BOC: variants seen among roughly 807,000 people sequenced by gnomAD.
BOC encodes the protein BOC cell adhesion associated, oncogene regulated, also known as brother of CDO.
In BOC, 76 loss-of-function variants were observed where a neutral mutation model predicts 112.0. The observed-to-expected ratio is 0.68, with a 90% confidence interval of 0.56 to 0.82. The LOEUF is 0.82. Ranked by LOEUF, BOC falls within the 40% of genes least tolerant of loss-of-function variation. The probability of loss-of-function intolerance (pLI) is 0.00; values close to 1 mark genes in which losing one functional copy is unlikely to be tolerated. For missense variants in BOC, 1,309 were observed against 1,511.7 expected (o/e 0.87, Z 2.22); for synonymous variants, 580 against 599.8 (o/e 0.97, Z 0.48).
intron 1 of BOC, among the ~76,000 whole-genome samples, chr3:113,213,534 C>T (rs1313432641): frequency 1.3e-5 from 2 of 152,204 alleles, no homozygotes; most frequent in African/African-American, 4.8e-5. Flanking sequence ...TATTAAACCA[C>T]AGTCTTGGGC....
rs777494781 is a variant in BOC at position 113,278,094 on chromosome 3, G to C, written c.1543-1G>C. On this transcript the variant is annotated splice_acceptor_variant, in intron 9 of 19. Transcript: ENST00000682979. LOFTEE classifies it high-confidence loss of function. This position sits in a 1 kb window ranked among gnomAD's most constrained non-coding sequence, Gnocchi z 4.2. ...GTCTTTATACCAGCTACCTTCTCCA[G>C]CAGGTCACAAATTCCTCTGACGATT... 3.1e-6 allele frequency: 5 copies of C among 1,614,018 alleles called. No individual in the cohort carries two copies. The South Asian group carries it at 5.5e-5, about 18-fold the overall frequency.
rs1436315521 is a variant in BOC, at chr3:113,260,005, G to T, written c.377-8294G>T. ...GGTATCTTCTCTAGGAATGTTTCTT[G>T]ACCCCTTCAACTTCCAAGTCTAGAG... On this transcript the variant is annotated intron_variant, in intron 4 of 19. Transcript: ENST00000682979. Among the ~76,000 whole-genome samples, 3 of 152,194 alleles carry T rather than the reference G, an allele frequency of 2.0e-5. No individual in the cohort carries two copies. The South Asian group carries it at 6.2e-4, about 32-fold the overall frequency.
intron 4 of BOC, among the ~76,000 whole-genome samples, chr3:113,256,151 AG>A (rs1043037136): frequency 6.6e-6 from 1 of 152,124 alleles, no homozygotes; most frequent in Admixed American, 6.5e-5. Flanking sequence ...ACATTTCTGG[AG>A]TGTCTCCTTT....
chr3:113,264,077 G>A (rs760920585), intron 4 of BOC, among the ~76,000 whole-genome samples: 3 of 152,140 alleles, frequency 2.0e-5, no homozygotes, highest in South Asian at 2.1e-4. Context: ...GAACTGGGCC[G>A]GGTTCTATAT....
In BOC at chr3:113,284,502, C is replaced by T; in HGVS notation, c.2824C>T (p.Pro942Ser). Residue 942 changes from proline (P) to serine (S), a missense_variant, in exon 17 of 20, where the codon CCC becomes TCC. Coordinates refer to ENST00000682979, the MANE Select transcript of BOC (RefSeq NM_001378074.1). Reference sequence around the variant, plus strand: ...TGGGATCCACATGAATAGGGGCTGCCCCTCGGCTGCAGTGGGCTACCCGGG... The same window carrying T: ...TGGGATCCACATGAATAGGGGCTGCTCCTCGGCTGCAGTGGGCTACCCGGG... The part of the protein sequence containing the change: ...ANGIHMNRGC[P>S]SAAVGYPGMK... 6.2e-7 allele frequency: 1 copy of T among 1,614,120 alleles called. No homozygotes were observed. The highest frequency in any genetic ancestry group is 1.1e-5 in the South Asian group (1 of 91,080).
rs1202545326 is a variant in BOC, at chr3:113,285,514, GC to G, written c.3114del (p.Asp1039ThrfsTer37). 5.0e-6 allele frequency: 8 copies of G among 1,612,402 alleles called. No individual in the cohort carries two copies. In the East Asian group the frequency reaches 1.8e-4, roughly 36 times the overall value. ...TGTGGGCCAGTCAGGGGTGAGGAGA[GC>G]CCCCGACAGTCCTGTCCTGGAAGCA... ...AAVGQSGVRR[A>X]PDSPVLEAVW... is the part of the protein sequence containing the mutation. On this transcript the variant is annotated frameshift_variant, in exon 19 of 20. Coordinates refer to ENST00000682979, the MANE Select transcript of BOC (RefSeq NM_001378074.1). LOFTEE classifies it high-confidence loss of function.
intron 2 of BOC, among the ~76,000 whole-genome samples, chr3:113,243,087 C>G (rs569463905): frequency 6.6e-6 from 1 of 152,282 alleles, no homozygotes; most frequent in South Asian, 2.1e-4. Context: ...CTCGTTCATT[C>G]ACTCCCCAGT....
intron 9 of BOC, among the ~76,000 whole-genome samples, chr3:113,275,445 G>A (rs890898708): frequency 1.3e-5 from 2 of 152,172 alleles, no homozygotes; most frequent in African/African-American, 2.4e-5. Flanking sequence ...GCTCAAGGCC[G>A]TGCTCTTACC....
intron 1 of BOC, among the ~76,000 whole-genome samples, chr3:113,215,634 A>G (rs1329652070): frequency 2.0e-5 from 3 of 152,062 alleles, no homozygotes; most frequent in Admixed American, 6.6e-5. Flanking sequence ...TGACCATCCC[A>G]CCCATTCTCC....
chr3:113,282,173 C>T (rs1379169259), intron 15 of BOC, among the ~76,000 whole-genome samples: 4 of 152,046 alleles, frequency 2.6e-5, no homozygotes, highest in Non-Finnish European at 4.4e-5. Context: ...TGAGATGAGC[C>T]GGTGCAGCCA....
At chr3:113,282,029 G>T (rs1226779262) in intron 15 of BOC, among the ~76,000 whole-genome samples, 1 of 152,224 alleles carries the variant, frequency 6.6e-6, no homozygotes, top group East Asian at 1.9e-4. Context: ...TGGAAGGACC[G>T]AGTCTTAGGC....
intron 2 of BOC, among the ~76,000 whole-genome samples, chr3:113,237,396 C>G (rs746046289): frequency 2.6e-5 from 4 of 152,104 alleles, no homozygotes; most frequent in Admixed American, 6.6e-5. Context: ...TCTCCCTTTC[C>G]CATCCTCTTT....
At chr3:113,276,201 A>AT (rs796274418) in intron 9 of BOC, among the ~76,000 whole-genome samples, 8 of 152,268 alleles carry the variant, frequency 5.3e-5, no homozygotes, top group African/African-American at 1.9e-4. Flanking sequence ...CAAGACTAAT[A>AT]TTTTTCAGGC....
chr3:113,219,210 C>T (rs1017615380), intron 2 of BOC, among the ~76,000 whole-genome samples: 7 of 152,188 alleles, frequency 4.6e-5, no homozygotes, highest in South Asian at 4.1e-4. Context: ...GCAAACCTCC[C>T]GGTGCAGGCT....
intron 2 of BOC, among the ~76,000 whole-genome samples, chr3:113,247,002 C>T (rs1182978172): frequency 1.3e-5 from 2 of 152,172 alleles, no homozygotes; most frequent in Non-Finnish European, 2.9e-5. Context: ...AGGGTCTGGG[C>T]TGAATTTCCT....
upstream of BOC, chr3:113,211,394 T>G (rs1031523767): frequency 4.0e-5 from 6 of 151,366 alleles, no homozygotes; most frequent in African/African-American, 1.5e-4. Flanking sequence ...TGCCCTAGAG[T>G]TTGGGGGACT....
intron 14 of BOC, 56 bp downstream of exon 14, chr3:113,280,719 A>C (rs1282052984): frequency 4.3e-6 from 6 of 1,387,150 alleles, no homozygotes; most frequent in African/African-American, 4.3e-5. Context: ...CTCCGCTGGC[A>C]TGGGGGACAA....
rs532665968 is a variant in BOC, at chr3:113,250,690, C to T, written c.233C>T (p.Ser78Leu). The change falls in exon 4 of 20, where the codon TCG becomes TTG. Residue 78 changes from serine (S) to leucine (L), a missense_variant. Ser to Leu is a moderately radical substitution (Grantham distance 145). Coordinates refer to ENST00000682979, the MANE Select transcript of BOC (RefSeq NM_001378074.1). ...WRLNGKELNG[S>L]DDALGVLITH... ...CTGAATGGAAAGGAGCTGAATGGCTCGGATGATGCTCTGGGTGTCCTCATC... is the reference window on the plus strand; with the variant it reads ...CTGAATGGAAAGGAGCTGAATGGCTTGGATGATGCTCTGGGTGTCCTCATC... The T allele has an allele frequency of 1.5e-5, 24 of 1,614,160 alleles. No individual in the cohort carries two copies. In the East Asian group the frequency reaches 3.1e-4, roughly 21 times the overall value.
intron 2 of BOC, among the ~76,000 whole-genome samples, chr3:113,235,906 A>G (rs1022605686): frequency 4.6e-5 from 7 of 152,130 alleles, no homozygotes; most frequent in African/African-American, 1.7e-4. Flanking sequence ...AGAGTTGTTA[A>G]AGTGTATTAT....
Sources: gnomAD v4.1 joint callset for allele counts (sites outside exome capture counted in the v4.1 genomes callset) on GRCh38, gnomAD v4.1.1 for gene constraint, Gnocchi (gnomAD v3.1) non-coding constraint, MANE v1.5 for transcripts, NCBI Gene and HGNC (gene_info 2026-07-23, HGNC 2026-07-21) for gene names.